Variants in CSF2RA observed in about 807,000 individuals in gnomAD.
The protein encoded by CSF2RA is colony stimulating factor 2 receptor subunit alpha.
A neutral mutation model predicts 51.6 loss-of-function variants in CSF2RA; 42 were observed. That is an observed-to-expected ratio of 0.81 (90% CI 0.64 to 1.05). The LOEUF (loss-of-function observed/expected upper bound fraction) is 1.05, where lower values mean the gene tolerates loss of function less well. Among genes scored for constraint, CSF2RA ranks in the 50% least tolerant of loss-of-function variants. The pLI, the probability that CSF2RA is intolerant of heterozygous loss-of-function variation, is 0.00. For synonymous variants in CSF2RA, 222 were observed against 193.0 expected, an observed-to-expected ratio of 1.15 and a Z score of -1.24; for missense variants, 530 against 501.1, an observed-to-expected ratio of 1.06 and a Z score of -0.55.
chrX:1,320,786 C>G, the CSF2RA span, among the ~76,000 whole-genome samples: 4 of 150,296 alleles, frequency 2.7e-5, no homozygotes. Context: ...GCTGGGATTA[C>G]AGGCATGAGC....
At chrX:1,278,620 A>T (rs1204318587) in intron 2 of CSF2RA, among the ~76,000 whole-genome samples, 1 of 145,460 alleles carries the variant, frequency 6.9e-6, no homozygotes, top group Non-Finnish European at 1.5e-5. Context: ...TGGGAGACGG[A>T]GGTTGCAGTG....
intron 2 of CSF2RA, among the ~76,000 whole-genome samples, chrX:1,279,750 C>T (rs2089647061): frequency 1.3e-5 from 2 of 148,784 alleles, no homozygotes; most frequent in Admixed American, 1.4e-4. Context: ...GTTCCTCTTG[C>T]AGAGGAACGG....
At chrX:1,271,527 T>A (rs1427900215) in intron 1 of CSF2RA, among the ~76,000 whole-genome samples, 1 of 60,110 alleles carries the variant, frequency 1.7e-5, no homozygotes, top group Non-Finnish European at 6.2e-5. Context: ...TATTTATTTA[T>A]TTTTTTGGAG....
chrX:1,303,324 C>T, intron 10 of CSF2RA: 2 of 428,866 alleles, frequency 4.7e-6, no homozygotes, highest in Non-Finnish European at 8.3e-6. Context: ...CAACCTCCGT[C>T]TCCCAGGCTC....
At chrX:1,302,355 AG>A (rs2083077817) in intron 10 of CSF2RA, among the ~76,000 whole-genome samples, 1 of 152,008 alleles carries the variant, frequency 6.6e-6, no homozygotes, top group Non-Finnish European at 1.5e-5. Context: ...ACCTCAACAA[AG>A]GGTACAGAAG....
chrX:1,318,060 C>T, the CSF2RA span, among the ~76,000 whole-genome samples: 6 of 151,128 alleles, frequency 4.0e-5, no homozygotes, highest in African/African-American at 1.2e-4. Flanking sequence ...GCGATCTCGG[C>T]TCACTGCAAC....
Position 1,269,408 on chromosome X carries a change from G to C in CSF2RA, c.-91+529G>C, listed in dbSNP as rs750010790. On this transcript the variant is annotated intron_variant, in intron 1 of 12. Coordinates refer to ENST00000381529, the MANE Select transcript of CSF2RA (RefSeq NM_172245.4). The stretch of plus-strand genomic sequence containing the variant: ...GACTGAGGCGGGTGGATCACCTGAG[G>C]TCGACAGTTCGAGACCATCCTGGCC... Among the ~76,000 whole-genome samples, 14 of 150,888 alleles carry C rather than the reference G, an allele frequency of 9.3e-5. No individual in the cohort carries two copies. The South Asian group carries it at 2.9e-3, about 32-fold the overall frequency.
At chrX:1,289,493 C>T (rs1411655919) in intron 6 of CSF2RA, among the ~76,000 whole-genome samples, 5 of 151,180 alleles carry the variant, frequency 3.3e-5, no homozygotes, top group Admixed American at 6.6e-5. Context: ...TTTGTTTTGC[C>T]TTGTGTTTTT....
intron 2 of CSF2RA, among the ~76,000 whole-genome samples, chrX:1,281,567 C>A (rs764061349): frequency 2.0e-5 from 3 of 151,936 alleles, no homozygotes; most frequent in African/African-American, 7.2e-5. Flanking sequence ...CCTCCTCCTT[C>A]TTTTTCCTTT....
At chrX:1,310,628 A>G (rs1251877243), downstream of CSF2RA, among the ~76,000 whole-genome samples, 141 of 147,766 alleles carry the variant, frequency 9.5e-4, 2 homozygotes, top group Non-Finnish European at 7.9e-4. Flanking sequence ...AGATCACAAC[A>G]CCGCACTCCA....
intron 1 of CSF2RA, among the ~76,000 whole-genome samples, chrX:1,273,603 A>G (rs1456289553): frequency 2.0e-5 from 3 of 151,652 alleles, no homozygotes; most frequent in Non-Finnish European, 4.4e-5. Flanking sequence ...TGCTGGGATT[A>G]TAGGCGTGAA....
chrX:1,286,945 G>A (rs2090748996), intron 4 of CSF2RA, among the ~76,000 whole-genome samples: 1 of 151,950 alleles, frequency 6.6e-6, no homozygotes, highest in Admixed American at 6.6e-5. Flanking sequence ...CGGGGAGAGG[G>A]GAGGGAAGGA....
At chrX:1,315,137 C>T (rs1284768477), downstream of CSF2RA, among the ~76,000 whole-genome samples, 9 of 152,180 alleles carry the variant, frequency 5.9e-5, no homozygotes, top group South Asian at 8.3e-4. Context: ...GGAGGGTCAT[C>T]GGTCACCTGC....
intron 6 of CSF2RA, among the ~76,000 whole-genome samples, chrX:1,289,533 TTTTTC>T (rs2091130798): frequency 6.6e-6 from 1 of 151,378 alleles, no homozygotes. Flanking sequence ...TGTTTCTGTG[TTTTTC>T]TTTTGTTTTT....
downstream of CSF2RA, among the ~76,000 whole-genome samples, chrX:1,313,949 C>T (rs1449196400): frequency 5.3e-4 from 81 of 151,970 alleles, no homozygotes; most frequent in African/African-American, 1.8e-3. Flanking sequence ...CCAGATCATG[C>T]GATTGCACTC....
intron 4 of CSF2RA, among the ~76,000 whole-genome samples, chrX:1,286,127 C>T (rs1329672683): frequency 2.0e-5 from 3 of 150,864 alleles, no homozygotes; most frequent in Non-Finnish European, 4.4e-5. Flanking sequence ...ACAAAATTAG[C>T]CGGGCGTGCT....
At chrX:1,276,484 C>T (rs1431181547) in intron 2 of CSF2RA, among the ~76,000 whole-genome samples, 2 of 151,962 alleles carry the variant, frequency 1.3e-5, no homozygotes, top group Admixed American at 6.6e-5. Context: ...AGTGATTCTC[C>T]TGCCTCAGCC....
chrX:1,318,692 C>T, the CSF2RA span, among the ~76,000 whole-genome samples: 3 of 151,408 alleles, frequency 2.0e-5, no homozygotes, highest in South Asian at 4.2e-4. Flanking sequence ...CCGAGGCAGG[C>T]AGATCACAAG....
At chrX:1,299,648 T>C (rs1217696825) in intron 9 of CSF2RA, among the ~76,000 whole-genome samples, 2 of 152,154 alleles carry the variant, frequency 1.3e-5, no homozygotes, top group African/African-American at 4.8e-5. Flanking sequence ...CCAGGCACGG[T>C]GGCTCACGCC....
Sources: allele counts gnomAD v4.1 joint callset (sites outside exome capture counted in the v4.1 genomes callset), GRCh38; gene constraint gnomAD v4.1.1; transcripts MANE v1.5; gene names NCBI Gene and HGNC (gene_info 2026-07-23, HGNC 2026-07-21).